QTGAL: variants seen among roughly 807,000 people sequenced by gnomAD.
QTGAL encodes the protein BGnT-like protein 1.
the QTGAL span, chr17:82,957,407 C>T: frequency 6.2e-7 from 1 of 1,613,106 alleles, no homozygotes; most frequent in Non-Finnish European, 8.5e-7. Flanking sequence ...GGCGCCCCTG[C>T]TTGCCAGCGT....
At chr17:82,947,362 G>A in the QTGAL span, 9 of 218,162 alleles carry the variant, frequency 4.1e-5, no homozygotes, top group South Asian at 9.3e-4. Context: ...CCAGGAGTGG[G>A]AGGAGGCCCC....
At chr17:82,973,593 G>A in the QTGAL span, among the ~76,000 whole-genome samples, 1 of 152,030 alleles carries the variant, frequency 6.6e-6, no homozygotes, top group Non-Finnish European at 1.5e-5. Context: ...AGGCGGGGTG[G>A]GGTGGGGGTG....
the QTGAL span, among the ~76,000 whole-genome samples, chr17:82,956,364 C>G: frequency 6.6e-6 from 1 of 152,224 alleles, no homozygotes; most frequent in Admixed American, 6.5e-5. The surrounding 1 kb of genome is among the most constrained non-coding windows in gnomAD (Gnocchi z 5.7). Context: ...CTTGGCCCCT[C>G]AGACATGGCA....
chr17:82,943,661 T>C, the QTGAL span: 1 of 152,202 alleles, frequency 6.6e-6, no homozygotes, highest in Non-Finnish European at 1.5e-5. Flanking sequence ...GCTGTGTGTT[T>C]AGCAGACAGC....
the QTGAL span, among the ~76,000 whole-genome samples, chr17:82,973,023 A>G: frequency 6.6e-6 from 1 of 152,214 alleles, no homozygotes; most frequent in East Asian, 1.9e-4. Context: ...TGTGTCACAC[A>G]CAGCACGGAG....
chr17:83,021,840 G>A, the QTGAL span, among the ~76,000 whole-genome samples: 3 of 152,266 alleles, frequency 2.0e-5, no homozygotes, highest in South Asian at 4.1e-4. Flanking sequence ...GAGTGGAACT[G>A]GTATAAAGAG....
the QTGAL span, among the ~76,000 whole-genome samples, chr17:82,962,201 C>T: frequency 5.7e-4 from 87 of 152,150 alleles, no homozygotes; most frequent in Non-Finnish European, 9.7e-4. Context: ...ACGGCCCAAC[C>T]GCTGGCCTGT....
the QTGAL span, among the ~76,000 whole-genome samples, chr17:82,959,665 T>C: frequency 1.3e-5 from 2 of 150,068 alleles, no homozygotes; most frequent in Non-Finnish European, 3.0e-5. Context: ...GGGGTTCACG[T>C]GACAGGAAAG....
the QTGAL span, among the ~76,000 whole-genome samples, chr17:83,012,576 G>A: frequency 6.6e-6 from 1 of 152,192 alleles, no homozygotes; most frequent in Non-Finnish European, 1.5e-5. Context: ...CACAGGGTCT[G>A]CTCCACCTTC....
chr17:82,947,047 T>C, the QTGAL span: 1 of 1,421,824 alleles, frequency 7.0e-7, no homozygotes, highest in Non-Finnish European at 9.7e-7. Flanking sequence ...CTGTGGAGCC[T>C]CCTCCAGGGC....
chr17:83,032,670 A>C, the QTGAL span, among the ~76,000 whole-genome samples: 2 of 152,248 alleles, frequency 1.3e-5, no homozygotes, highest in Non-Finnish European at 2.9e-5. Context: ...TGGATGGACC[A>C]TCTGAGCATG....
the QTGAL span, among the ~76,000 whole-genome samples, chr17:82,969,190 C>T: frequency 9.9e-5 from 15 of 151,884 alleles, no homozygotes; most frequent in East Asian, 3.9e-4. Flanking sequence ...GACAGAGTCT[C>T]GCTCTGTCGC....
At chr17:82,997,805 T>C in the QTGAL span, among the ~76,000 whole-genome samples, 28 of 152,068 alleles carry the variant, frequency 1.8e-4, no homozygotes, top group East Asian at 5.2e-3. Context: ...CGCTTATTTG[T>C]GGGAGCTAAA....
the QTGAL span, chr17:82,957,230 A>G: frequency 1.2e-5 from 19 of 1,614,048 alleles, no homozygotes; most frequent in African/African-American, 1.3e-4. Flanking sequence ...GTTCTCGTCC[A>G]CGTCACAGAA....
chr17:83,031,323 G>A, the QTGAL span, among the ~76,000 whole-genome samples: 8 of 149,880 alleles, frequency 5.3e-5, no homozygotes, highest in Non-Finnish European at 1.2e-4. Flanking sequence ...AGCAACGGCC[G>A]CCAGAGCACC....
At chr17:82,964,095 T>C in the QTGAL span, among the ~76,000 whole-genome samples, 5 of 150,968 alleles carry the variant, frequency 3.3e-5, no homozygotes, top group African/African-American at 9.8e-5. Flanking sequence ...AACCAGTCTC[T>C]ACCAAAAATA....
chr17:82,954,367 G>A, the QTGAL span, among the ~76,000 whole-genome samples: 1 of 151,988 alleles, frequency 6.6e-6, no homozygotes, highest in Non-Finnish European at 1.5e-5. Flanking sequence ...AGCAGAGACT[G>A]AAACCATGAG....
the QTGAL span, chr17:83,005,193 C>T: frequency 1.2e-6 from 2 of 1,608,458 alleles, no homozygotes; most frequent in South Asian, 2.2e-5. This position sits in a 1 kb window ranked among gnomAD's most constrained non-coding sequence, Gnocchi z 5.6. Flanking sequence ...GATCTCTCCT[C>T]ACTCTGCAAC....
the QTGAL span, among the ~76,000 whole-genome samples, chr17:83,050,768 G>A: frequency 1.3e-5 from 2 of 152,078 alleles, no homozygotes; most frequent in East Asian, 3.9e-4. Context: ...CGTGTTTGGG[G>A]TAAGTGTGCT....
Sources: allele counts gnomAD v4.1 joint callset (sites outside exome capture counted in the v4.1 genomes callset), GRCh38; gene constraint gnomAD v4.1.1; non-coding constraint Gnocchi (gnomAD v3.1); transcripts MANE v1.5; gene names NCBI Gene and HGNC (gene_info 2026-07-23, HGNC 2026-07-21).